Variants in TLK1 observed in about 807,000 individuals in gnomAD.
TLK1 encodes tousled like kinase 1.
In TLK1, 24 loss-of-function variants were observed where a neutral mutation model predicts 105.3. That is an observed-to-expected ratio of 0.23 (90% CI 0.17 to 0.32). The LOEUF is 0.32. Ranked by LOEUF, TLK1 falls within the 10% of genes least tolerant of loss-of-function variation. TLK1 has a pLI of 1.00. For missense variants in TLK1, 558 were observed against 910.5 expected, an observed-to-expected ratio of 0.61 and a Z score of 4.98; for synonymous variants, 321 against 310.4, an observed-to-expected ratio of 1.03 and a Z score of -0.36.
At chr2:171,228,597 A>G (rs190114797) in intron 1 of TLK1, among the ~76,000 whole-genome samples, 144 of 152,296 alleles carry the variant, frequency 9.5e-4, no homozygotes, top group Non-Finnish European at 7.2e-4. Flanking sequence ...TTTATTAAGT[A>G]GGTATTATTG....
intron 2 of TLK1, among the ~76,000 whole-genome samples, chr2:171,115,174 CTTT>C (rs151300135): frequency 1.5e-5 from 2 of 137,660 alleles, no homozygotes. Flanking sequence ...GAATTTCTTT[CTTT>C]TTTTTTTTTT....
chr2:171,004,468 CCA>C (rs1406943371), intron 18 of TLK1, among the ~76,000 whole-genome samples: 1 of 152,080 alleles, frequency 6.6e-6, no homozygotes, highest in Non-Finnish European at 1.5e-5. Context: ...AATTTTTGGA[CCA>C]CAGATTTCCA....
chr2:171,025,976 C>T (rs974347429), intron 12 of TLK1, among the ~76,000 whole-genome samples: 1 of 152,070 alleles, frequency 6.6e-6, no homozygotes, highest in African/African-American at 2.4e-5. Flanking sequence ...CAGAAGAAAA[C>T]ATGGGTATTC....
intron 2 of TLK1, among the ~76,000 whole-genome samples, chr2:171,111,906 C>T (rs575285980): frequency 6.6e-6 from 1 of 152,148 alleles, no homozygotes; most frequent in East Asian, 1.9e-4. Context: ...TGTAAAAATC[C>T]TAAATAATTA....
upstream of TLK1, among the ~76,000 whole-genome samples, chr2:171,164,326 A>G (rs1309339852): frequency 6.6e-6 from 1 of 152,230 alleles, no homozygotes; most frequent in East Asian, 1.9e-4. Context: ...ACCAGAGAAG[A>G]TAACATTTTC....
intron 1 of TLK1, among the ~76,000 whole-genome samples, chr2:171,144,541 A>G (rs1346065141): frequency 6.6e-6 from 1 of 152,186 alleles, no homozygotes; most frequent in East Asian, 1.9e-4. Flanking sequence ...ATTCACAAAT[A>G]TGCAGAAATT....
At chr2:171,052,861 C>T (rs1687307577) in intron 8 of TLK1, among the ~76,000 whole-genome samples, 1 of 152,178 alleles carries the variant, frequency 6.6e-6, no homozygotes, top group Non-Finnish European at 1.5e-5. Flanking sequence ...CGAGTTTCTA[C>T]ACCAGTAGTT....
intron 1 of TLK1, among the ~76,000 whole-genome samples, chr2:171,130,679 C>A (rs988429294): frequency 6.6e-6 from 1 of 152,086 alleles, no homozygotes; most frequent in African/African-American, 2.4e-5. Flanking sequence ...CTAGCCTAAA[C>A]CTTCAAATAA....
intron 4 of TLK1, 137 bp from the exon 5 acceptor site, chr2:171,058,334 T>C: frequency 1.3e-6 from 1 of 751,650 alleles, no homozygotes; most frequent in Non-Finnish European, 2.2e-6. Flanking sequence ...TGCCAATTTT[T>C]AAAAGTTCCA....
intron 12 of TLK1, 56 bp from the exon 13 acceptor site, chr2:171,015,004 G>A: frequency 7.5e-7 from 1 of 1,336,270 alleles, no homozygotes; most frequent in Non-Finnish European, 1.1e-6. Context: ...ATATAAAAAA[G>A]ATATTTTTAC....
intron 1 of TLK1, among the ~76,000 whole-genome samples, chr2:171,215,141 A>G (rs1279332419): frequency 6.6e-6 from 1 of 152,162 alleles, no homozygotes; most frequent in East Asian, 1.9e-4. Context: ...GGCACTTGCT[A>G]TGTTGCCCAG....
intron 3 of TLK1, among the ~76,000 whole-genome samples, chr2:171,080,544 A>AAAT (rs71008747): frequency 0.1 from 14,449 of 144,948 alleles, 815 homozygotes; most frequent in Non-Finnish European, 0.12. Flanking sequence ...AGATACACTA[A>AAAT]AATAATAATA....
chr2:171,128,201 G>A (rs1043620084), intron 1 of TLK1, among the ~76,000 whole-genome samples: 2 of 151,796 alleles, frequency 1.3e-5, no homozygotes, highest in African/African-American at 4.8e-5. Flanking sequence ...TAAAGCATAG[G>A]GTTTCTGCTT....
intron 2 of TLK1, among the ~76,000 whole-genome samples, chr2:171,098,497 A>G (rs1328665521): frequency 2.0e-5 from 3 of 152,112 alleles, no homozygotes; most frequent in African/African-American, 7.2e-5. Flanking sequence ...ATAAATATCT[A>G]CCCTCGAAGA....
At chr2:171,188,809 A>T (rs79604835) in intron 1 of TLK1, among the ~76,000 whole-genome samples, 1 of 150,106 alleles carries the variant, frequency 6.7e-6, no homozygotes, top group Admixed American at 6.7e-5. Context: ...AGGGAGGTGG[A>T]GGTTGCAGTG....
intron 11 of TLK1, among the ~76,000 whole-genome samples, chr2:171,029,912 A>G (rs578096601): frequency 2.0e-4 from 31 of 152,194 alleles, no homozygotes; most frequent in African/African-American, 7.2e-4. Context: ...TGCCTAGCTA[A>G]GTTTTGCATT....
At chr2:171,149,063 T>C (rs1434520261) in intron 1 of TLK1, among the ~76,000 whole-genome samples, 5 of 149,062 alleles carry the variant, frequency 3.4e-5, no homozygotes, top group South Asian at 2.1e-4. Flanking sequence ...GTAAATATTA[T>C]GCAAATAGTC....
At chr2:171,167,637 T>C (rs1207749509) in intron 1 of TLK1, among the ~76,000 whole-genome samples, 1 of 152,196 alleles carries the variant, frequency 6.6e-6, no homozygotes, top group Non-Finnish European at 1.5e-5. Context: ...GTGATGGAAA[T>C]GTTTTCTCTC....
chr2:171,174,770 T>C (rs765316217), intron 1 of TLK1, among the ~76,000 whole-genome samples: 11 of 152,204 alleles, frequency 7.2e-5, no homozygotes, highest in Non-Finnish European at 1.0e-4. Context: ...CAATAGTCTT[T>C]TGGATAACAT....
Sources: allele counts gnomAD v4.1 joint callset (sites outside exome capture counted in the v4.1 genomes callset), GRCh38; gene constraint gnomAD v4.1.1; transcripts MANE v1.5; gene names NCBI Gene and HGNC (gene_info 2026-07-23, HGNC 2026-07-21).